Variants in PLA2R1 observed in about 807,000 individuals in gnomAD.
The protein encoded by PLA2R1 is phospholipase A2 receptor 1, also known as secretory phospholipase A2 receptor.
PLA2R1 carries 158 observed loss-of-function variants against 195.9 expected under a neutral mutation model. That is an observed-to-expected ratio of 0.81 (90% CI 0.71 to 0.92). The LOEUF (loss-of-function observed/expected upper bound fraction) is 0.92. Ranked by LOEUF, PLA2R1 falls within the 40% of genes least tolerant of loss-of-function variation. The pLI, the probability that PLA2R1 is intolerant of heterozygous loss-of-function variation, is 0.00. For synonymous variants in PLA2R1, 586 were observed against 598.2 expected (o/e 0.98, Z 0.30); for missense variants, 1,626 against 1,764.6 (o/e 0.92, Z 1.41).
At chr2:160,016,457 G>A (rs1323381987) in intron 9 of PLA2R1, among the ~76,000 whole-genome samples, 157 bp downstream of exon 9, 3 of 125,576 alleles carry the variant, frequency 2.4e-5, no homozygotes, top group Non-Finnish European at 5.1e-5. Flanking sequence ...GGAAAAAAAA[G>A]AGGAAAGGAA....
chr2:159,977,870 C>T (rs896598107), intron 14 of PLA2R1, among the ~76,000 whole-genome samples: 1 of 151,990 alleles, frequency 6.6e-6, no homozygotes, highest in South Asian at 2.1e-4. Context: ...GCAGAGCTTG[C>T]AGTGAGCCGA....
At chr2:160,027,648 C>T (rs1008926171) in intron 6 of PLA2R1, among the ~76,000 whole-genome samples, 1 of 152,100 alleles carries the variant, frequency 6.6e-6, no homozygotes, top group Non-Finnish European at 1.5e-5. Flanking sequence ...ACATTTGGAG[C>T]TAAGACATTA....
chr2:159,997,483 A>G lies in PLA2R1; in HGVS notation c.1834+8169T>C, dbSNP rs1691291409. ...GAACAGAATGCTTTGCTATATTTCA[A>G]AATGGTTATTTTTCCTCTCCCTCTG... On this transcript the variant is annotated intron_variant, in intron 11 of 29. Transcript: ENST00000283243. Among the ~76,000 whole-genome samples the G allele has an allele frequency of 5.9e-5, 9 of 152,230 alleles. 1 individual carries two copies. In the South Asian group the frequency reaches 1.9e-3, roughly 32 times the overall value.
Position 159,946,821 on chromosome 2 carries a change from T to C in PLA2R1, c.3947A>G (p.Asn1316Ser), listed in dbSNP as rs370302723. ...FGSSVQMVWL[N>S]AQFDGNNETI... ...CTTACTGTTACCATCAAATTGAGCATTCAACCAAACCATCTGGACAGAAGA... is the reference window on the plus strand; with the variant it reads ...CTTACTGTTACCATCAAATTGAGCACTCAACCAAACCATCTGGACAGAAGA... Residue 1316 changes from asparagine (N) to serine (S), a missense_variant, in exon 27 of 30, where the codon AAT becomes AGT. Transcript: ENST00000283243. 4.9e-5 allele frequency: 79 copies of C among 1,608,820 alleles called. No individual in the cohort carries two copies. Among genetic ancestry groups the C allele is most frequent in the Non-Finnish European group, 6.4e-5 (75 of 1,178,430 alleles).
intron 12 of PLA2R1, among the ~76,000 whole-genome samples, chr2:159,986,200 A>C (rs1690320994): frequency 6.6e-6 from 1 of 152,122 alleles, no homozygotes. Flanking sequence ...CAAAATGCAA[A>C]ACTTTTTGAG....
chr2:160,002,962 C>G (rs1323655342), intron 11 of PLA2R1, among the ~76,000 whole-genome samples: 1 of 151,978 alleles, frequency 6.6e-6, no homozygotes, highest in Non-Finnish European at 1.5e-5. Flanking sequence ...TGTATTACTG[C>G]TCTCTTTTCA....
intron 14 of PLA2R1, among the ~76,000 whole-genome samples, chr2:159,978,324 T>C (rs199899815): frequency 6.6e-6 from 1 of 152,120 alleles, no homozygotes; most frequent in South Asian, 2.1e-4. Context: ...ACAAGTAAAA[T>C]TGGGGTAAAA....
intron 12 of PLA2R1, among the ~76,000 whole-genome samples, chr2:159,984,754 T>C (rs1408314938): frequency 2.0e-5 from 3 of 152,188 alleles, no homozygotes; most frequent in African/African-American, 7.2e-5. Context: ...TTATTTAAGA[T>C]TGGGGAAAGG....
chr2:160,033,691 G>A (rs1157155833), intron 3 of PLA2R1, among the ~76,000 whole-genome samples: 1 of 152,220 alleles, frequency 6.6e-6, no homozygotes, highest in Non-Finnish European at 1.5e-5. Context: ...AGATCCACTT[G>A]TAAGACACTG....
chr2:159,964,742 A>C (rs1688673612), intron 20 of PLA2R1, among the ~76,000 whole-genome samples: 1 of 152,090 alleles, frequency 6.6e-6, no homozygotes, highest in African/African-American at 2.4e-5. Flanking sequence ...CATTTTTTAA[A>C]GAGCAGTTTT....
intron 7 of PLA2R1, among the ~76,000 whole-genome samples, chr2:160,022,030 T>C (rs1293968811): frequency 3.3e-5 from 5 of 152,218 alleles, no homozygotes; most frequent in Admixed American, 2.6e-4. Flanking sequence ...AACTAAAATG[T>C]AACAATTGAA....
At chr2:160,016,014 C>T (rs4665136) in intron 9 of PLA2R1, among the ~76,000 whole-genome samples, 25,874 of 152,122 alleles carry the variant, frequency 0.17, 2,634 homozygotes, top group Admixed American at 0.32. Flanking sequence ...CCTGTAATCC[C>T]GGTACTTTGG....
At chr2:159,981,582 A>T (rs1019484704) in intron 13 of PLA2R1, among the ~76,000 whole-genome samples, 1 of 151,636 alleles carries the variant, frequency 6.6e-6, no homozygotes, top group African/African-American at 2.4e-5. Flanking sequence ...ATTTTTTTGT[A>T]CTTTTTGGTA....
rs1687000296 is a variant in PLA2R1, at chr2:159,939,548, C to T, written c.*2230G>A. 1 of 149,072 alleles carries T rather than the reference C, an allele frequency of 6.7e-6. No individual in the cohort carries two copies. The highest frequency in any genetic ancestry group is 2.5e-5 in the African/African-American group (1 of 40,596). 9.2% of individuals were successfully genotyped at this position (149,072 alleles called of 1,614,324 possible). On this transcript the variant is annotated 3_prime_UTR_variant, in exon 30 of 30. Transcript: ENST00000283243. ...ATGAAAAAAAGTTTCAAAAAAAATG[C>T]AAATATAAAAATGTAGCAGAATACT...
At chr2:160,045,403 T>C (rs1236873535) in intron 1 of PLA2R1, among the ~76,000 whole-genome samples, 1 of 152,112 alleles carries the variant, frequency 6.6e-6, no homozygotes, top group Non-Finnish European at 1.5e-5. Context: ...TAATTGGCCA[T>C]ATGGGAACAA....
Position 159,971,251 on chromosome 2 carries a change from T to TA in PLA2R1, c.2596-1040dup, listed in dbSNP as rs534081964. Among the ~76,000 whole-genome samples, 499 of 152,176 alleles carry TA rather than the reference T, an allele frequency of 3.3e-3. 3 individuals carry two copies. Among genetic ancestry groups the TA allele is most frequent in the African/African-American group, 0.012 (485 of 41,518 alleles). On this transcript the variant is annotated intron_variant, in intron 17 of 29. Transcript: ENST00000283243. Reference sequence around the variant, plus strand: ...AACAGAGTGATATAGTTATCACCAATAAAAAAACCACTTAATCTAAGATTG... The same window carrying TA: ...AACAGAGTGATATAGTTATCACCAATAAAAAAAACCACTTAATCTAAGATTG...
At position 159,976,682 on chromosome 2, in the gene PLA2R1, T is replaced by TA; in HGVS notation, c.2437+2dup. 6.3e-7 allele frequency: 1 copy of TA among 1,596,000 alleles called. No individual in the cohort carries two copies. Among genetic ancestry groups the TA allele is most frequent in the South Asian group, 1.1e-5 (1 of 90,722 alleles). ...ATTCAAGAGCTGCCAGAGTCATTCT[T>TA]ACCGTACTGGTACCAGAACGGAATC... On this transcript the variant is annotated splice_region_variant and intron_variant, in intron 16 of 29. Transcript: ENST00000283243.
intron 20 of PLA2R1, among the ~76,000 whole-genome samples, chr2:159,960,087 G>C (rs1412390343): frequency 6.6e-6 from 1 of 152,086 alleles, no homozygotes; most frequent in Non-Finnish European, 1.5e-5. Flanking sequence ...GTCCAACACG[G>C]TATCACCCTT....
intron 3 of PLA2R1, among the ~76,000 whole-genome samples, chr2:160,038,382 T>C (rs1449006346): frequency 1.3e-5 from 2 of 152,194 alleles, no homozygotes; most frequent in African/African-American, 4.8e-5. Context: ...GTGTGACTGC[T>C]ACTTTGCGTT....
Sources: allele counts gnomAD v4.1 joint callset (sites outside exome capture counted in the v4.1 genomes callset), GRCh38; gene constraint gnomAD v4.1.1; transcripts MANE v1.5; gene names NCBI Gene and HGNC (gene_info 2026-07-23, HGNC 2026-07-21).